Variants in ACBD3 observed in about 807,000 individuals in gnomAD.
ACBD3 encodes the protein acyl-CoA binding domain containing 3.
A neutral mutation model predicts 66.9 loss-of-function variants in ACBD3; 30 were observed. The ratio of observed to expected loss-of-function variants is 0.45; its 90% CI spans 0.34 to 0.61. The LOEUF (loss-of-function observed/expected upper bound fraction) is 0.61. Ranked by LOEUF, ACBD3 falls within the 20% of genes least tolerant of loss-of-function variation. The pLI is 0.02. For synonymous variants in ACBD3, 278 were observed against 259.8 expected, an observed-to-expected ratio of 1.07 and a Z score of -0.68; for missense variants, 544 against 664.5, an observed-to-expected ratio of 0.82 and a Z score of 1.99.
At chr1:226,164,288 C>T (rs1273296456) in intron 3 of ACBD3, among the ~76,000 whole-genome samples, 2 of 152,036 alleles carry the variant, frequency 1.3e-5, no homozygotes, top group African/African-American at 4.8e-5. Flanking sequence ...CAGAGAATCC[C>T]ATAAGCATAA....
chr1:226,169,397 G>A (rs1235143186), intron 1 of ACBD3, among the ~76,000 whole-genome samples: 2 of 151,756 alleles, frequency 1.3e-5, no homozygotes, highest in Non-Finnish European at 2.9e-5. Context: ...ACAAGCGCCC[G>A]CCACCATGCT....
intron 2 of ACBD3, 148 bp downstream of exon 2, chr1:226,165,711 A>ATT: frequency 1.3e-6 from 1 of 759,112 alleles, no homozygotes. Flanking sequence ...AAACAGATAA[A>ATT]TATCTGAAGA....
At chr1:226,184,887 C>T (rs1200850734) in intron 1 of ACBD3, among the ~76,000 whole-genome samples, 5 of 149,692 alleles carry the variant, frequency 3.3e-5, no homozygotes, top group Non-Finnish European at 7.4e-5. Context: ...CAACCTCCGC[C>T]TCCCGGGTTC....
intron 1 of ACBD3, among the ~76,000 whole-genome samples, chr1:226,182,839 T>C (rs532638818): frequency 7.9e-5 from 12 of 152,332 alleles, no homozygotes; most frequent in Non-Finnish European, 1.0e-4. Flanking sequence ...ACTCCTCTTT[T>C]GGACTCTAAG....
In ACBD3 at chr1:226,186,400, G is replaced by A; in HGVS notation, c.276C>T (p.Arg92=). The change falls in exon 1 of 8, where the codon CGC becomes CGT. Residue 92 remains arginine, a synonymous_variant. Coordinates refer to ENST00000366812, the MANE Select transcript of ACBD3 (RefSeq NM_022735.4). Reference sequence around the variant, plus strand: ...GCTGGCCCGGCTCACCTTTGAAGAAGCGCAGTGCCAGGCCGTACAACTCCT... The same window carrying A: ...GCTGGCCCGGCTCACCTTTGAAGAAACGCAGTGCCAGGCCGTACAACTCCT... ...GLEELYGLAL[R]FFKEKDGKAF... The A allele has an allele frequency of 6.6e-7, 1 of 1,520,196 alleles. No individual in the cohort carries two copies. Among genetic ancestry groups the A allele is most frequent in the Non-Finnish European group, 8.8e-7 (1 of 1,134,180 alleles). The allele number at this position is 1,520,196 out of a possible 1,614,324, so 94.2% of individuals were successfully genotyped here.
At chr1:226,175,442 A>C (rs905991246) in intron 1 of ACBD3, among the ~76,000 whole-genome samples, 3 of 152,214 alleles carry the variant, frequency 2.0e-5, no homozygotes, top group Admixed American at 2.0e-4. Flanking sequence ...ACAAACACTA[A>C]GACTGATTCA....
intron 6 of ACBD3, 119 bp downstream of exon 6, chr1:226,154,528 G>C: frequency 8.4e-7 from 1 of 1,188,560 alleles, no homozygotes; most frequent in Non-Finnish European, 1.2e-6. Flanking sequence ...GTAAAAAAAT[G>C]TTCAACTCTC....
At chr1:226,161,200 G>A (rs1051370719) in intron 4 of ACBD3, among the ~76,000 whole-genome samples, 6 of 146,058 alleles carry the variant, frequency 4.1e-5, no homozygotes, top group South Asian at 2.1e-4. Flanking sequence ...GTGCAATGGC[G>A]CGATCTCGGC....
intron 7 of ACBD3, among the ~76,000 whole-genome samples, chr1:226,150,653 A>C (rs1659553983): frequency 6.6e-6 from 1 of 152,236 alleles, no homozygotes; most frequent in Admixed American, 6.5e-5. Flanking sequence ...TTGGGATTAC[A>C]GGCGTGAGCC....
intron 7 of ACBD3, among the ~76,000 whole-genome samples, chr1:226,149,509 C>A (rs955895346): frequency 1.5e-5 from 2 of 134,784 alleles, no homozygotes; most frequent in Non-Finnish European, 1.6e-5. Context: ...TTACAGGTGT[C>A]AGCCACTGCG....
Position 226,146,705 on chromosome 1 carries a change from A to C in ACBD3, c.1492T>G (p.Tyr498Asp). The change falls in exon 8 of 8, where the codon TAT becomes GAT. Residue 498 changes from tyrosine to aspartate, a missense_variant. By Grantham distance (160) the Tyr-to-Asp change is radical. Transcript: ENST00000366812. Reference sequence around the variant, plus strand: ...AGGAGATAGACTCCTCTCCCTGGATATTGATGGCTGCCAGCATACACCTCC... The same window carrying C: ...AGGAGATAGACTCCTCTCCCTGGATCTTGATGGCTGCCAGCATACACCTCC... Reference protein sequence around the residue: ...HEEVYAGSHQYPGRGVYLLKF... With the variant: ...HEEVYAGSHQDPGRGVYLLKF... 1 of 1,614,084 alleles carries C rather than the reference A, an allele frequency of 6.2e-7. No homozygotes were observed. The highest frequency in any genetic ancestry group is 8.5e-7 in the Non-Finnish European group (1 of 1,180,032).
At chr1:226,147,804 G>A (rs956058499) in intron 7 of ACBD3, among the ~76,000 whole-genome samples, 1 of 152,174 alleles carries the variant, frequency 6.6e-6, no homozygotes, top group Non-Finnish European at 1.5e-5. Context: ...AATGCCTCTA[G>A]AAACCTACAG....
rs766741908 is a variant in ACBD3, at chr1:226,146,651, G to A, written c.1546C>T (p.Arg516Trp). ...LKFDNSYSLW[R>W]SKSVYYRVYY... ...ACTCTGTAGTAGACTGATTTTGACC[G>A]CCACAAAGAGTAGGAGTTGTCAAAC... The change falls in exon 8 of 8, where the codon CGG (arginine) becomes TGG (tryptophan). Residue 516 changes from arginine (R) to tryptophan (W), a missense_variant. Coordinates refer to ENST00000366812, the MANE Select transcript of ACBD3 (RefSeq NM_022735.4). 1.1e-5 allele frequency: 17 copies of A among 1,613,604 alleles called. No individual in the cohort carries two copies. The highest frequency in any genetic ancestry group is 2.2e-5 in the East Asian group (1 of 44,890).
chr1:226,161,290 C>T (rs1558126259), intron 4 of ACBD3, among the ~76,000 whole-genome samples: 2 of 152,032 alleles, frequency 1.3e-5, no homozygotes, highest in Admixed American at 1.3e-4. Flanking sequence ...AGGCATATGC[C>T]ACTGCGCCCA....
chr1:226,151,010 CTT>C (rs1300019489), intron 7 of ACBD3, among the ~76,000 whole-genome samples: 1 of 152,124 alleles, frequency 6.6e-6, no homozygotes, highest in African/African-American at 2.4e-5. Flanking sequence ...GAATATTAAA[CTT>C]AATTTCAAGA....
intron 6 of ACBD3, among the ~76,000 whole-genome samples, chr1:226,153,036 T>A (rs929507538): frequency 2.0e-5 from 3 of 152,212 alleles, no homozygotes; most frequent in Non-Finnish European, 4.4e-5. Flanking sequence ...CTTCAGCCTG[T>A]CTGTTGAAAA....
intron 2 of ACBD3, among the ~76,000 whole-genome samples, 177 bp from the exon 3 acceptor site, chr1:226,165,106 C>T (rs1659848109): frequency 6.6e-6 from 1 of 152,098 alleles, no homozygotes; most frequent in South Asian, 2.1e-4. Context: ...ATTAGATACG[C>T]CACATACAAT....
rs1656312369 is a variant in ACBD3, at chr1:226,186,447, G to C, written c.229C>G (p.Gln77Glu). 2.0e-6 allele frequency: 3 copies of C among 1,509,430 alleles called. No homozygotes were observed. The African/African-American group carries it at 4.4e-5, about 22-fold the overall frequency. 93.5% of individuals were successfully genotyped at this position (1,509,430 alleles called of 1,614,324 possible). ...TCCTCCAGGCCGAAACCCCAGCGCT[G>C]CTCCAGCCGCCGCGCCTCCTCCGCC... ...GAAEEARRLE[Q>E]RWGFGLEELY... The change falls in exon 1 of 8, where the codon CAG becomes GAG. Residue 77 changes from glutamine (Q) to glutamate (E), a missense_variant. Physicochemically the swap from Gln to Glu is conservative, Grantham distance 29. Around this residue, in one of 3 missense-constraint regions of ACBD3, gnomAD observed 137 missense variants for 145.9 expected, o/e 0.94. Transcript: ENST00000366812.
At chr1:226,176,784 TCA>T (rs1012457513) in intron 1 of ACBD3, among the ~76,000 whole-genome samples, 9 of 152,160 alleles carry the variant, frequency 5.9e-5, no homozygotes, top group African/African-American at 2.2e-4. Context: ...GAATACTGAC[TCA>T]CAATGTCAAA....
Sources: gnomAD v4.1 joint callset for allele counts (sites outside exome capture counted in the v4.1 genomes callset) on GRCh38, gnomAD v4.1.1 for gene constraint, gnomAD v4.1.1 regional missense constraint, MANE v1.5 for transcripts, NCBI Gene and HGNC (gene_info 2026-07-23, HGNC 2026-07-21) for gene names.